PLCH2: variants seen among roughly 807,000 people sequenced by gnomAD.
PLCH2 encodes 1-phosphatidylinositol 4,5-bisphosphate phosphodiesterase eta-2.
Under a neutral mutation model 134.7 loss-of-function variants are expected in PLCH2, and 98 were observed. The ratio of observed to expected loss-of-function variants is 0.73; its 90% CI spans 0.62 to 0.86. The LOEUF is 0.86. Ranked by LOEUF, PLCH2 falls within the 40% of genes least tolerant of loss-of-function variation. The pLI, the probability that PLCH2 is intolerant of heterozygous loss-of-function variation, is 0.00. For synonymous variants in PLCH2, 974 were observed against 827.5 expected (o/e 1.18, Z -3.04); for missense variants, 1,994 against 1,986.6 (o/e 1.00, Z -0.07).
chr1:2,478,429 A>T, intron 1 of PLCH2, 47 bp from the exon 2 acceptor site: 1 of 1,602,276 alleles, frequency 6.2e-7, no homozygotes, highest in Non-Finnish European at 8.5e-7. Context: ...CTCTCCTGCG[A>T]GGAGTGGCTG....
chr1:2,497,043 G>A (rs1390610794), intron 15 of PLCH2, 33 bp downstream of exon 15: 11 of 1,595,564 alleles, frequency 6.9e-6, no homozygotes, highest in Non-Finnish European at 9.4e-6. Context: ...GGGTGTGGTG[G>A]GGAGGGCTCG....
At chr1:2,431,014 C>T (rs1639043355) in intron 2 of PLCH2, among the ~76,000 whole-genome samples, 1 of 152,180 alleles carries the variant, frequency 6.6e-6, no homozygotes, top group African/African-American at 2.4e-5. Context: ...CGAAGGCCTC[C>T]CGATGTGGCG....
At chr1:2,499,355 G>A in intron 19 of PLCH2, 125 bp downstream of exon 19, 3 of 1,211,494 alleles carry the variant, frequency 2.5e-6, no homozygotes, top group East Asian at 2.5e-5. Flanking sequence ...AGAGACAGGA[G>A]CTGAGGACGG....
At chr1:2,441,052 C>T (rs963872795) in intron 2 of PLCH2, among the ~76,000 whole-genome samples, 6 of 152,172 alleles carry the variant, frequency 3.9e-5, no homozygotes, top group African/African-American at 1.4e-4. Flanking sequence ...GTTCAGAGGG[C>T]ACTGCCCGCT....
chr1:2,504,171 GGGCCCCCGGCAGCCAGACGGAC>G lies in PLCH2; in HGVS notation c.3213_3234del (p.Pro1072GlyfsTer12). ...GAGGGCGCCGGCGGGGCATACGAGAGGGCCCCCGGCAGCCAGACGGACGGCAGGAGCCAGCCCCGGACCCTGG... is the reference window on the plus strand; with the variant it reads ...GAGGGCGCCGGCGGGGCATACGAGAGGGCAGGAGCCAGCCCCGGACCCTGG... On this transcript the variant is annotated frameshift_variant, in exon 22 of 22. Transcript: ENST00000378486. LOFTEE classifies it high-confidence loss of function. 2.6e-6 allele frequency: 4 copies of G among 1,530,884 alleles called. No homozygotes were observed. Among genetic ancestry groups the G allele is most frequent in the Non-Finnish European group, 3.5e-6 (4 of 1,140,768 alleles). The allele number at this position is 1,530,884 out of a possible 1,614,324, so 94.8% of individuals were successfully genotyped here.
Position 2,504,905 on chromosome 1 carries a change from A to G in PLCH2, c.3943A>G (p.Ile1315Val), listed in dbSNP as rs1356121198. 6.3e-7 allele frequency: 1 copy of G among 1,582,516 alleles called. No homozygotes were observed. Among genetic ancestry groups the G allele is most frequent in the East Asian group, 2.3e-5 (1 of 43,730 alleles). ...CACTGTCTTCCAGCAGGCAGGAGAC[A>G]TCACGTCACCCACCAGCCTGGGCCC... ...WLTVFQQAGD[I>V]TSPTSLGPAG... Residue 1315 changes from isoleucine (I) to valine (V), a missense_variant, in exon 22 of 22, where the codon ATC becomes GTC. Around this residue, in one of 2 missense-constraint regions of PLCH2, gnomAD observed 900 missense variants for 752.3 expected, o/e 1.20. Coordinates refer to ENST00000378486, the MANE Select transcript of PLCH2 (RefSeq NM_014638.4).
At chr1:2,495,035 G>A in intron 12 of PLCH2, 87 bp downstream of exon 12, 6 of 939,574 alleles carry the variant, frequency 6.4e-6, no homozygotes, top group South Asian at 1.5e-5. Context: ...TGCTCCCAGT[G>A]CCCCGTGTCC....
intron 2 of PLCH2, among the ~76,000 whole-genome samples, chr1:2,459,488 C>T (rs148641961): frequency 2.5e-4 from 2 of 8,118 alleles, no homozygotes; most frequent in African/African-American, 3.5e-4. Flanking sequence ...GGTCCTCCTT[C>T]CTGGTGGTCC....
In PLCH2 at chr1:2,498,251, A is replaced by C; in HGVS notation, c.2225-272A>C. The C allele has an allele frequency of 2.7e-4, 92 of 346,010 alleles. No individual in the cohort carries two copies. Among genetic ancestry groups the C allele is most frequent in the Middle Eastern group, 8.4e-4 (1 of 1,194 alleles). 21.4% of individuals were successfully genotyped at this position (346,010 alleles called of 1,614,324 possible). ...CCACCCCTCATACCCCCAGGGACCC[A>C]GACCCACCCCCAGAAGCCATGTGAC... On this transcript the variant is annotated intron_variant, in intron 16 of 21. Transcript: ENST00000378486. The surrounding 1 kb of genome is among the most constrained non-coding windows in gnomAD (Gnocchi z 5.4).
intron 4 of PLCH2, among the ~76,000 whole-genome samples, chr1:2,482,187 G>A (rs187555236): frequency 6.6e-6 from 1 of 152,354 alleles, no homozygotes; most frequent in African/African-American, 2.4e-5. Context: ...GGCCCCGAGG[G>A]CCTCACTGTC....
chr1:2,430,821 C>T (rs959612405), intron 2 of PLCH2, among the ~76,000 whole-genome samples: 1 of 152,224 alleles, frequency 6.6e-6, no homozygotes, highest in African/African-American at 2.4e-5. Context: ...CCGCCACGTG[C>T]AGAGGAGCCT....
chr1:2,494,600 T>C (rs1642772767), intron 11 of PLCH2: 2 of 579,232 alleles, frequency 3.5e-6, no homozygotes, highest in East Asian at 2.9e-5. Flanking sequence ...TGTGAGCGAA[T>C]GTTTCCACCG....
In PLCH2 at chr1:2,503,952, T is replaced by TC; in HGVS notation, c.2996dup (p.Leu1000ThrfsTer9). The TC allele has an allele frequency of 1.8e-5, 15 of 814,738 alleles. No homozygotes were observed. The highest frequency in any genetic ancestry group is 3.0e-4 in the Middle Eastern group (1 of 3,368). 50.5% of individuals were successfully genotyped at this position (814,738 alleles called of 1,614,324 possible). On this transcript the variant is annotated frameshift_variant, in exon 22 of 22. Coordinates refer to ENST00000378486, the MANE Select transcript of PLCH2 (RefSeq NM_014638.4). LOFTEE classifies it high-confidence loss of function. ...CGCCCCCTCTCCACGCAGCGGCCAC[T>TC]CCCCCCACTGTGCAGCCTGGAAACC...
intron 2 of PLCH2, among the ~76,000 whole-genome samples, chr1:2,452,400 A>C (rs1436724650): frequency 5.3e-5 from 8 of 152,098 alleles, no homozygotes. Context: ...AGGGGGGCCT[A>C]TCTGGTGGGG....
intron 2 of PLCH2, among the ~76,000 whole-genome samples, chr1:2,452,985 G>T (rs930573821): frequency 1.3e-5 from 2 of 152,118 alleles, no homozygotes; most frequent in African/African-American, 2.4e-5. Context: ...ATCCATTCCC[G>T]GTGGGGGCGC....
upstream of PLCH2, among the ~76,000 whole-genome samples, chr1:2,425,347 A>G (rs936747702): frequency 1.3e-5 from 2 of 151,818 alleles, no homozygotes; most frequent in Non-Finnish European, 2.9e-5. Context: ...CCCCACACAC[A>G]TTTTCTGTAT....
Position 2,496,917 on chromosome 1 carries a change from C to T in PLCH2, c.2023C>T (p.Gln675Ter). Reference sequence around the variant, plus strand: ...GCCGGCGCAGTACCTACGCTTCAACCAGCAGCAGCTCTCCCGCATCTACCC... The same window carrying T: ...GCCGGCGCAGTACCTACGCTTCAACTAGCAGCAGCTCTCCCGCATCTACCC... The part of the protein sequence containing the change: ...QKPAQYLRFN[Q>*]QQLSRIYPSS... The change falls in exon 15 of 22, where the codon CAG (glutamine) becomes TAG (stop). Residue 675 changes from glutamine (Q) to a stop codon, truncating the protein, a stop_gained. Transcript: ENST00000378486. LOFTEE classifies it high-confidence loss of function. The T allele has an allele frequency of 1.9e-6, 3 of 1,613,252 alleles. No homozygotes were observed. Among genetic ancestry groups the T allele is most frequent in the Non-Finnish European group, 2.5e-6 (3 of 1,179,858 alleles).
At chr1:2,495,800 C>G (rs1642852326) in intron 13 of PLCH2, among the ~76,000 whole-genome samples, 1 of 152,056 alleles carries the variant, frequency 6.6e-6, no homozygotes, top group Non-Finnish European at 1.5e-5. Context: ...GGCCCAGGTC[C>G]CCACAGCCCT....
At chr1:2,492,775 A>T (rs1175096241) in intron 11 of PLCH2, among the ~76,000 whole-genome samples, 1 of 152,072 alleles carries the variant, frequency 6.6e-6, no homozygotes, top group Non-Finnish European at 1.5e-5. Context: ...ACTGAGGGAC[A>T]CTTGTGCCTC....
Sources: allele counts gnomAD v4.1 joint callset (sites outside exome capture counted in the v4.1 genomes callset), GRCh38; gene constraint gnomAD v4.1.1; regional missense constraint gnomAD v4.1.1; non-coding constraint Gnocchi (gnomAD v3.1); transcripts MANE v1.5; gene names NCBI Gene and HGNC (gene_info 2026-07-23, HGNC 2026-07-21).